The following APBB2 variants were observed in gnomAD, a reference collection of about 807,000 sequenced individuals.
The protein encoded by APBB2 is amyloid beta precursor protein binding family B member 2.
APBB2 carries 38 observed loss-of-function variants against 82.5 expected under a neutral mutation model. That is an observed-to-expected ratio of 0.46 (90% CI 0.36 to 0.60). The LOEUF (loss-of-function observed/expected upper bound fraction) is 0.60, where lower values mean the gene tolerates loss of function less well. Among genes scored for constraint, APBB2 ranks in the 20% least tolerant of loss-of-function variants. The pLI, the probability that APBB2 is intolerant of heterozygous loss-of-function variation, is 0.00. For synonymous variants in APBB2, 341 were observed against 368.2 expected (o/e 0.93, Z 0.85); for missense variants, 772 against 972.3 (o/e 0.79, Z 2.74).
intron 12 of APBB2, among the ~76,000 whole-genome samples, chr4:40,878,353 C>G (rs1222659613): frequency 6.6e-6 from 1 of 151,934 alleles, no homozygotes; most frequent in Admixed American, 6.6e-5. Flanking sequence ...AAATACCAAA[C>G]CAAACCAAAA....
At chr4:40,979,297 A>G (rs1797924201) in intron 6 of APBB2, among the ~76,000 whole-genome samples, 1 of 152,224 alleles carries the variant, frequency 6.6e-6, no homozygotes. Flanking sequence ...CTTTGGACAC[A>G]TAAAAGAATT....
At chr4:41,131,558 T>C (rs569840494) in intron 2 of APBB2, among the ~76,000 whole-genome samples, 3 of 152,262 alleles carry the variant, frequency 2.0e-5, no homozygotes, top group East Asian at 3.9e-4. Flanking sequence ...CCTTGAAATA[T>C]AGGGGTTATG....
At chr4:41,097,417 CATAT>C (rs1473420697) in intron 3 of APBB2, among the ~76,000 whole-genome samples, 3 of 152,176 alleles carry the variant, frequency 2.0e-5, no homozygotes, top group African/African-American at 7.2e-5. Flanking sequence ...ATATATTCCA[CATAT>C]TTACACTCCT....
At chr4:41,065,948 C>A (rs192408140) in intron 3 of APBB2, among the ~76,000 whole-genome samples, 44 of 152,078 alleles carry the variant, frequency 2.9e-4, no homozygotes, top group African/African-American at 9.9e-4. Flanking sequence ...CTTCTCTGAC[C>A]CCCATCAAAA....
intron 12 of APBB2, among the ~76,000 whole-genome samples, chr4:40,864,316 T>C (rs1763526583): frequency 6.6e-6 from 1 of 150,658 alleles, no homozygotes; most frequent in Non-Finnish European, 1.5e-5. Flanking sequence ...TGATTATTGC[T>C]CCTGGAGGAC....
At chr4:40,896,406 C>G (rs1338867021) in intron 10 of APBB2, among the ~76,000 whole-genome samples, 3 of 152,198 alleles carry the variant, frequency 2.0e-5, no homozygotes, top group Non-Finnish European at 4.4e-5. Flanking sequence ...GTAGGAACAG[C>G]CTGCATTCTA....
intron 6 of APBB2, among the ~76,000 whole-genome samples, chr4:40,947,090 CAT>C (rs1210621209): frequency 3.3e-5 from 5 of 152,212 alleles, no homozygotes; most frequent in Non-Finnish European, 7.3e-5. Flanking sequence ...TCTAATCAAA[CAT>C]GTGTTTACAT....
chr4:41,095,059 GA>G (rs1432617525), intron 3 of APBB2, among the ~76,000 whole-genome samples: 1 of 152,196 alleles, frequency 6.6e-6, no homozygotes, highest in Non-Finnish European at 1.5e-5. Context: ...TTAAAGGAGT[GA>G]AACAGAAAAG....
At chr4:40,950,287 C>T (rs1373850160) in intron 6 of APBB2, among the ~76,000 whole-genome samples, 1 of 152,206 alleles carries the variant, frequency 6.6e-6, no homozygotes, top group Non-Finnish European at 1.5e-5. Flanking sequence ...ATAGTATTAA[C>T]TAGTAAAGTG....
intron 10 of APBB2, among the ~76,000 whole-genome samples, chr4:40,900,094 G>T (rs16852598): frequency 0.039 from 5,874 of 152,264 alleles, 371 homozygotes; most frequent in African/African-American, 0.13. Context: ...GTTAGAAAAC[G>T]AAAAGAGTTC....
chr4:40,846,526 T>C (rs1369482849), intron 12 of APBB2, among the ~76,000 whole-genome samples: 1 of 152,064 alleles, frequency 6.6e-6, no homozygotes, highest in African/African-American at 2.4e-5. Context: ...CTGGCTGATA[T>C]TTAGAGAATT....
At chr4:41,170,051 C>CCT (rs1004067098) in intron 1 of APBB2, among the ~76,000 whole-genome samples, 1 of 152,012 alleles carries the variant, frequency 6.6e-6, no homozygotes, top group Non-Finnish European at 1.5e-5. Flanking sequence ...GGGAATACCC[C>CCT]CTCTAAATAA....
intron 4 of APBB2, among the ~76,000 whole-genome samples, chr4:41,049,283 G>A (rs1436221806): frequency 7.6e-5 from 11 of 145,566 alleles, no homozygotes; most frequent in South Asian, 6.7e-4. Context: ...CCGCCCCGTC[G>A]GAGAAGTGAG....
intron 11 of APBB2, among the ~76,000 whole-genome samples, chr4:40,891,176 G>C (rs185791846): frequency 6.6e-6 from 1 of 152,324 alleles, no homozygotes; most frequent in Admixed American, 6.5e-5. Context: ...GTCTGACATA[G>C]AACCTGTGGG....
intron 12 of APBB2, among the ~76,000 whole-genome samples, chr4:40,875,634 A>T (rs1212512081): frequency 6.6e-6 from 1 of 152,182 alleles, no homozygotes; most frequent in Non-Finnish European, 1.5e-5. Context: ...TTCAATTCAG[A>T]CCAGCTACAT....
At chr4:40,978,925 G>C in intron 6 of APBB2, among the ~76,000 whole-genome samples, 1 of 120,834 alleles carries the variant, frequency 8.3e-6, no homozygotes, top group East Asian at 3.9e-4. Flanking sequence ...TGGAACTCAT[G>C]ATTTTTTTTT....
chr4:40,861,207 G>A (rs574693923), intron 12 of APBB2, among the ~76,000 whole-genome samples: 11 of 152,146 alleles, frequency 7.2e-5, no homozygotes, highest in East Asian at 3.9e-4. Context: ...AAAATTAGCC[G>A]GGCGTGGTGG....
intron 6 of APBB2, among the ~76,000 whole-genome samples, chr4:40,997,405 T>C (rs62412083): frequency 0.042 from 6,373 of 152,300 alleles, 271 homozygotes; most frequent in African/African-American, 0.11. Flanking sequence ...CTTTAAACTC[T>C]ACCTTACAAA....
intron 1 of APBB2, among the ~76,000 whole-genome samples, chr4:41,203,598 A>G (rs564804581): frequency 6.6e-6 from 1 of 152,278 alleles, no homozygotes; most frequent in Non-Finnish European, 1.5e-5. Context: ...CATACTTCCT[A>G]TCTCATTTAG....
Sources: gnomAD v4.1 joint callset for allele counts (sites outside exome capture counted in the v4.1 genomes callset) on GRCh38, gnomAD v4.1.1 for gene constraint, MANE v1.5 for transcripts, NCBI Gene and HGNC (gene_info 2026-07-23, HGNC 2026-07-21) for gene names.